Variants in KCNK5 observed in about 807,000 individuals in gnomAD.
The protein encoded by KCNK5 is potassium two pore domain channel subfamily K member 5.
In KCNK5, 18 loss-of-function variants were observed where a neutral mutation model predicts 32.9. The observed-to-expected ratio is 0.55, with a 90% CI of 0.38 to 0.81. The LOEUF is 0.81. Ranked by LOEUF, KCNK5 falls within the 30% of genes least tolerant of loss-of-function variation. The probability of loss-of-function intolerance (pLI) is 0.00; values close to 1 mark genes in which losing one functional copy is unlikely to be tolerated. For missense variants in KCNK5, 507 were observed against 651.0 expected (o/e 0.78, Z 2.41); for synonymous variants, 276 against 275.3 (o/e 1.00, Z -0.03).
In KCNK5 at chr6:39,194,053, T is replaced by C; in HGVS notation, c.634+116A>G. 1 of 1,113,948 alleles carries C rather than the reference T, an allele frequency of 9.0e-7. No homozygotes were observed. The highest frequency in any genetic ancestry group is 1.3e-6 in the Non-Finnish European group (1 of 747,858). The allele number at this position is 1,113,948 out of a possible 1,614,324, so 69.0% of individuals were successfully genotyped here. On this transcript the variant is annotated intron_variant, in intron 4 of 4. Transcript: ENST00000359534. This position sits in a 1 kb window ranked among gnomAD's most constrained non-coding sequence, Gnocchi z 4.7. ...TGGCAGAGTGGGTTGAGAATCCCAC[T>C]GGGTAAGAGAAGTGCCCAGAACATG...
chr6:39,196,726 C>G (rs1386823978), intron 1 of KCNK5, among the ~76,000 whole-genome samples: 1 of 152,210 alleles, frequency 6.6e-6, no homozygotes, highest in Non-Finnish European at 1.5e-5. Flanking sequence ...CTGCCCTGGG[C>G]TGAGCAGCTG....
At chr6:39,199,475 C>G (rs542393057) in intron 1 of KCNK5, among the ~76,000 whole-genome samples, 2 of 152,260 alleles carry the variant, frequency 1.3e-5, no homozygotes, top group Non-Finnish European at 2.9e-5. Flanking sequence ...CTGTGGTTGC[C>G]CAACAAGGGG....
intron 1 of KCNK5, among the ~76,000 whole-genome samples, chr6:39,198,996 C>T (rs1418819948): frequency 6.6e-6 from 1 of 152,186 alleles, no homozygotes; most frequent in Non-Finnish European, 1.5e-5. Context: ...TCTGGAAATG[C>T]TTTCTAAGGA....
In KCNK5 at chr6:39,194,153, A is replaced by G; in HGVS notation, c.634+16T>C. 1 of 1,614,002 alleles carries G rather than the reference A, an allele frequency of 6.2e-7. No individual in the cohort carries two copies. Among genetic ancestry groups the G allele is most frequent in the Admixed American group, 1.7e-5 (1 of 60,022 alleles). On this transcript the variant is annotated intron_variant, in intron 4 of 4. Coordinates refer to ENST00000359534, the MANE Select transcript of KCNK5 (RefSeq NM_003740.4). The surrounding 1 kb of genome is among the most constrained non-coding windows in gnomAD (Gnocchi z 4.7). ...AGAAGCAGAAAAAGAGGTGGGAGGCAGAGGCAGGGACTCACCGGCCACAAA... is the reference window on the plus strand; with the variant it reads ...AGAAGCAGAAAAAGAGGTGGGAGGCGGAGGCAGGGACTCACCGGCCACAAA...
intron 1 of KCNK5, among the ~76,000 whole-genome samples, chr6:39,219,445 CAG>C (rs1048856589): frequency 3.3e-5 from 5 of 152,092 alleles, no homozygotes; most frequent in African/African-American, 1.2e-4. Context: ...TTTGTAAAGG[CAG>C]AGAGGTGGTA....
intron 1 of KCNK5, among the ~76,000 whole-genome samples, chr6:39,227,801 G>T (rs755057313): frequency 6.6e-6 from 1 of 152,138 alleles, no homozygotes; most frequent in African/African-American, 2.4e-5. Flanking sequence ...GAAAATGAGC[G>T]ACGACTAGAT....
rs114147996 is a variant in KCNK5 at position 39,206,432 on chromosome 6, C to T, written c.187-10445G>A. On this transcript the variant is annotated intron_variant, in intron 1 of 4. Coordinates refer to ENST00000359534, the MANE Select transcript of KCNK5 (RefSeq NM_003740.4). ...GGGTCAAGGATCAGCTACAGGAAGC[C>T]ACCAGCCACTCAAGGTTTCTAAAAA... is the stretch of plus-strand genomic sequence containing the variant. Among the ~76,000 whole-genome samples, 1,267 of 152,294 alleles carry T rather than the reference C, an allele frequency of 8.3e-3. 11 individuals carry two copies. Among genetic ancestry groups the T allele is most frequent in the Middle Eastern group, 0.024 (7 of 294 alleles).
chr6:39,196,963 T>C (rs2561429), intron 1 of KCNK5, among the ~76,000 whole-genome samples: 151,117 of 152,326 alleles, frequency 0.99, 74,972 homozygotes, highest in Middle Eastern at 1. Context: ...TAGGCCCCAA[T>C]TCTGCTATCA....
rs1770994825 is a variant in KCNK5 at position 39,194,498 on chromosome 6, C to T, written c.465+96G>A. 2.0e-6 allele frequency: 3 copies of T among 1,484,086 alleles called. No individual in the cohort carries two copies. The highest frequency in any genetic ancestry group is 1.4e-5 in the African/African-American group (1 of 71,582). The allele number at this position is 1,484,086 out of a possible 1,614,324, so 91.9% of individuals were successfully genotyped here. On this transcript the variant is annotated intron_variant, in intron 3 of 4. Transcript: ENST00000359534. This position sits in a 1 kb window ranked among gnomAD's most constrained non-coding sequence, Gnocchi z 4.7. ...TGAAACTATCCTCTTGCCATCTGTC[C>T]TTACACCCTTGGTCCAATTCCTAGA...
At chr6:39,201,065 C>T (rs9470998) in intron 1 of KCNK5, among the ~76,000 whole-genome samples, 14,056 of 152,224 alleles carry the variant, frequency 0.092, 834 homozygotes, top group South Asian at 0.18. Context: ...GCTCCACAGC[C>T]GCCATCACTT....
At chr6:39,226,076 T>C (rs992467319) in intron 1 of KCNK5, among the ~76,000 whole-genome samples, 3 of 152,254 alleles carry the variant, frequency 2.0e-5, no homozygotes, top group Non-Finnish European at 2.9e-5. Context: ...TTAAGTTACA[T>C]GGCTTGATGG....
At chr6:39,196,839 G>A (rs1378419388) in intron 1 of KCNK5, among the ~76,000 whole-genome samples, 1 of 152,232 alleles carries the variant, frequency 6.6e-6, no homozygotes, top group Non-Finnish European at 1.5e-5. Flanking sequence ...GCAGGTGAGA[G>A]GCCACCTGGG....
At chr6:39,199,392 C>A (rs1583707454) in intron 1 of KCNK5, among the ~76,000 whole-genome samples, 1 of 152,222 alleles carries the variant, frequency 6.6e-6, no homozygotes, top group Non-Finnish European at 1.5e-5. Flanking sequence ...TGGGGACCAG[C>A]TGGCAGCCTC....
chr6:39,212,795 C>G (rs1330735415), intron 1 of KCNK5, among the ~76,000 whole-genome samples: 4 of 152,236 alleles, frequency 2.6e-5, no homozygotes, highest in Non-Finnish European at 5.9e-5. Flanking sequence ...CCAACTTGGT[C>G]TGCAGACCAA....
At chr6:39,227,081 T>C (rs115006970) in intron 1 of KCNK5, among the ~76,000 whole-genome samples, 1,868 of 152,198 alleles carry the variant, frequency 0.012, 40 homozygotes, top group African/African-American at 0.042. Flanking sequence ...GACCACCAGC[T>C]GCACCCGGCT....
chr6:39,209,656 G>A (rs1771293107), intron 1 of KCNK5, among the ~76,000 whole-genome samples: 1 of 152,208 alleles, frequency 6.6e-6, no homozygotes, highest in Non-Finnish European at 1.5e-5. Context: ...GAGGCAGAAG[G>A]AACGAGGGCC....
Position 39,224,246 on chromosome 6 carries a change from G to A in KCNK5, c.186+4680C>T, listed in dbSNP as rs139355049. 9.3e-3 allele frequency among the ~76,000 whole-genome samples: 1,414 copies of A among 152,260 alleles called. 17 individuals carry two copies. The highest frequency in any genetic ancestry group is 0.015 in the Non-Finnish European group (1,007 of 68,020). On this transcript the variant is annotated intron_variant, in intron 1 of 4. Transcript: ENST00000359534. ...AGAACTCAAGCTCGGACCCAAGGCT[G>A]TGGAGGCCTCCAAGATCCTCCATAA...
At chr6:39,208,123 C>T (rs1401475219) in intron 1 of KCNK5, among the ~76,000 whole-genome samples, 2 of 152,150 alleles carry the variant, frequency 1.3e-5, no homozygotes, top group Non-Finnish European at 2.9e-5. Context: ...AACTGCCATC[C>T]TTGAGGGCTG....
chr6:39,191,828 G>C lies in KCNK5; in HGVS notation c.635-73C>G, dbSNP rs1273695773. The C allele has an allele frequency of 2.0e-6, 3 of 1,512,216 alleles. No individual in the cohort carries two copies. Among genetic ancestry groups the C allele is most frequent in the Non-Finnish European group, 2.7e-6 (3 of 1,111,054 alleles). The allele number at this position is 1,512,216 out of a possible 1,614,324, so 93.7% of individuals were successfully genotyped here. ...GGAAATGTGCAATGGCCAATGCTGT[G>C]TGATCTGAGCAGGGGTCAGGCCAGA... On this transcript the variant is annotated intron_variant, in intron 4 of 4. Transcript: ENST00000359534. This position sits in a 1 kb window ranked among gnomAD's most constrained non-coding sequence, Gnocchi z 5.8.
Sources: gnomAD v4.1 joint callset for allele counts (sites outside exome capture counted in the v4.1 genomes callset) on GRCh38, gnomAD v4.1.1 for gene constraint, Gnocchi (gnomAD v3.1) non-coding constraint, MANE v1.5 for transcripts, NCBI Gene and HGNC (gene_info 2026-07-23, HGNC 2026-07-21) for gene names.